The following UTP11 variants were observed in gnomAD, a reference collection of about 807,000 sequenced individuals.
UTP11 encodes the protein UTP11 small subunit processome component.
UTP11 carries 29 observed loss-of-function variants against 39.0 expected under a neutral mutation model. The ratio of observed to expected loss-of-function variants is 0.74; its 90% CI spans 0.55 to 1.01. The LOEUF (loss-of-function observed/expected upper bound fraction) is 1.01, where lower values mean the gene tolerates loss of function less well. UTP11 is among the 50% of genes least tolerant of loss of function. The pLI is 0.00. For synonymous variants in UTP11, 111 were observed against 105.0 expected, an observed-to-expected ratio of 1.06 and a Z score of -0.35; for missense variants, 281 against 306.0, an observed-to-expected ratio of 0.92 and a Z score of 0.61.
chr1:38,019,493 A>G (rs1436854100), intron 6 of UTP11, 110 bp downstream of exon 6: 1 of 983,728 alleles, frequency 1.0e-6, no homozygotes, highest in Non-Finnish European at 1.3e-6. Context: ...AATTTATTTT[A>G]TTTTATTTTT....
chr1:38,016,287 A>G, intron 1 of UTP11, 72 bp from the exon 2 acceptor site: 1 of 1,468,862 alleles, frequency 6.8e-7, no homozygotes, highest in Non-Finnish European at 9.5e-7. Flanking sequence ...TGTGCCTGTT[A>G]GATGTCGTGT....
intron 1 of UTP11, among the ~76,000 whole-genome samples, chr1:38,014,726 C>A (rs1646698219): frequency 6.6e-6 from 1 of 152,146 alleles, no homozygotes; most frequent in East Asian, 1.9e-4. Context: ...AGGCTCGACC[C>A]CCTCACTCAA....
Position 38,016,332 on chromosome 1 carries a change from A to G in UTP11, c.64-27A>G, listed in dbSNP as rs779691697. On this transcript the variant is annotated intron_variant, in intron 1 of 7. Coordinates refer to ENST00000373014, the MANE Select transcript of UTP11 (RefSeq NM_016037.4). ...TATGTGTTTGCGGAGGAAACTAAGC[A>G]CTGTTGTTCTTTCTTTTGTCTTCTA... 8 of 1,612,872 alleles carry G rather than the reference A, an allele frequency of 5.0e-6. No homozygotes were observed. In the South Asian group the frequency reaches 8.8e-5, roughly 18 times the overall value.
rs547720217 is a variant in UTP11 at position 38,022,847 on chromosome 1, T to C, written c.678+38T>C. On this transcript the variant is annotated intron_variant, in intron 7 of 7. Transcript: ENST00000373014. ...AGCCTTAGGCCTCTTTTTTTTTTTT[T>C]CCCCCTTTTCTTTCTTGTAAAGGTC... 478 of 1,281,004 alleles carry C rather than the reference T, an allele frequency of 3.7e-4. 1 individual carries two copies. Among genetic ancestry groups the C allele is most frequent in the East Asian group, 1.3e-3 (53 of 41,002 alleles). The allele number at this position is 1,281,004 out of a possible 1,614,324, so 79.4% of individuals were successfully genotyped here.
Position 38,015,097 on chromosome 1 carries a change from A to G in UTP11, c.64-1262A>G, listed in dbSNP as rs537283421. ...GAGTGCGATGGTGTGATCTTGGCCC[A>G]CTGCAACCTCCGCCTCCCGTGTTCA... On this transcript the variant is annotated intron_variant, in intron 1 of 7. Coordinates refer to ENST00000373014, the MANE Select transcript of UTP11 (RefSeq NM_016037.4). Among the ~76,000 whole-genome samples, 5 of 152,228 alleles carry G rather than the reference A, an allele frequency of 3.3e-5. No homozygotes were observed. The East Asian group carries it at 7.7e-4, about 23-fold the overall frequency.
rs747394464 is a variant in UTP11 at position 38,018,504 on chromosome 1, C to A, written c.269C>A (p.Thr90Asn). 3.1e-6 allele frequency: 5 copies of A among 1,613,578 alleles called. No homozygotes were observed. The Admixed American group carries it at 6.7e-5, about 22-fold the overall frequency. ...ATTAAGGAGACTAAGGAAGAAGTAA[C>A]CCCAGAACAACTAAAGCTGATGAGA... ...HIIKETKEEV[T>N]PEQLKLMRTQ... The change falls in exon 4 of 8, where the codon ACC (threonine) becomes AAC (asparagine). Residue 90 changes from threonine (T) to asparagine (N), a missense_variant. Coordinates refer to ENST00000373014, the MANE Select transcript of UTP11 (RefSeq NM_016037.4).
chr1:38,013,595 A>G (rs771082751), intron 1 of UTP11, among the ~76,000 whole-genome samples: 15 of 152,226 alleles, frequency 9.9e-5, no homozygotes, highest in Non-Finnish European at 1.6e-4. Context: ...TTAGACATAC[A>G]TATGTGCTCC....
In UTP11 at chr1:38,024,225, A is replaced by G. The variant is rs1429141442; in HGVS notation, c.*597A>G. ...TCATTCCTAATCCCAGTGCTTATTC[A>G]ATAATAACAAATATTTATTGCATGC... On this transcript the variant is annotated 3_prime_UTR_variant, in exon 8 of 8. Transcript: ENST00000373014. 6.6e-6 allele frequency: 1 copy of G among 152,232 alleles called. No homozygotes were observed. Among genetic ancestry groups the G allele is most frequent in the Non-Finnish European group, 1.5e-5 (1 of 68,066 alleles). The allele number at this position is 152,232 out of a possible 1,614,324, so 9.4% of individuals were successfully genotyped here.
chr1:38,023,406 G>T, intron 7 of UTP11, 139 bp from the exon 8 acceptor site: 3 of 620,738 alleles, frequency 4.8e-6, no homozygotes. Flanking sequence ...GCCTACAGTG[G>T]ATGCCTTGGG....
At chr1:38,015,156 G>T (rs374922439) in intron 1 of UTP11, among the ~76,000 whole-genome samples, 1 of 152,100 alleles carries the variant, frequency 6.6e-6, no homozygotes, top group Non-Finnish European at 1.5e-5. Flanking sequence ...TTGAGTAGCT[G>T]GGATTACAGG....
Position 38,023,541 on chromosome 1 carries a change from G to A in UTP11, c.679-4G>A. 2 of 1,607,464 alleles carry A rather than the reference G, an allele frequency of 1.2e-6. No homozygotes were observed. The highest frequency in any genetic ancestry group is 1.7e-6 in the Non-Finnish European group (2 of 1,177,514). On this transcript the variant is annotated splice_region_variant and splice_polypyrimidine_tract_variant and intron_variant, in intron 7 of 7. Coordinates refer to ENST00000373014, the MANE Select transcript of UTP11 (RefSeq NM_016037.4). ...TTACTGATCACCTTTTTACTCTTTT[G>A]TAGGATAAAACTCAGAAAGTGAAGG...
chr1:38,022,834 C>CTTT (rs34251728), intron 7 of UTP11, 25 bp downstream of exon 7: 259 of 1,213,724 alleles, frequency 2.1e-4, no homozygotes, highest in Non-Finnish European at 2.3e-4. Context: ...CCTTAGGCCT[C>CTTT]TTTTTTTTTT....
chr1:38,022,686 G>T lies in UTP11; in HGVS notation c.568-13G>T. On this transcript the variant is annotated splice_polypyrimidine_tract_variant and intron_variant, in intron 6 of 7. Coordinates refer to ENST00000373014, the MANE Select transcript of UTP11 (RefSeq NM_016037.4). ...TTCATTGTTCACTGAGAATGTGTGT[G>T]TTTCTTCTCCAGCGAATAGCTAAAG... 6.3e-7 allele frequency: 1 copy of T among 1,586,022 alleles called. No individual in the cohort carries two copies.
At position 38,012,910 on chromosome 1, in the gene UTP11, T is replaced by G. The variant is rs762643160; in HGVS notation, c.63+45T>G. 1.9e-6 allele frequency: 3 copies of G among 1,612,966 alleles called. No homozygotes were observed. In the African/African-American group the frequency reaches 4.0e-5, roughly 22 times the overall value. On this transcript the variant is annotated intron_variant, in intron 1 of 7. Transcript: ENST00000373014. ...ACAAGTGCTGGCCTTTGTCGCCATGTGTTACCCTTGCCCCAACCCTGTCGC... is the reference window on the plus strand; with the variant it reads ...ACAAGTGCTGGCCTTTGTCGCCATGGGTTACCCTTGCCCCAACCCTGTCGC...
At chr1:38,022,863 T>G in intron 7 of UTP11, 54 bp downstream of exon 7, 1 of 1,245,950 alleles carries the variant, frequency 8.0e-7, no homozygotes, top group Non-Finnish European at 1.1e-6. Flanking sequence ...TTTTCTTTCT[T>G]GTAAAGGTCT....
Position 38,017,637 on chromosome 1 carries a change from TGCTATGAACCTCA to T in UTP11, c.126-30_126-18del. The T allele has an allele frequency of 1.7e-5, 24 of 1,419,480 alleles. No homozygotes were observed. Among genetic ancestry groups the T allele is most frequent in the East Asian group, 5.1e-5 (2 of 39,588 alleles). 87.9% of individuals were successfully genotyped at this position (1,419,480 alleles called of 1,614,324 possible). On this transcript the variant is annotated intron_variant, in intron 2 of 7. Transcript: ENST00000373014. ...TTAAAATTATCTATTTTTTTTTTTT[TGCTATGAACCTCA>T]TTTAACCTGTCTTTTAGTGACTACC...
chr1:38,018,126 A>G (rs945603199), intron 3 of UTP11, among the ~76,000 whole-genome samples: 2 of 151,592 alleles, frequency 1.3e-5, no homozygotes, highest in South Asian at 2.1e-4. Flanking sequence ...GCTGGAGTGC[A>G]GTGGTGCGAC....
At chr1:38,013,768 G>A (rs1054952970) in intron 1 of UTP11, among the ~76,000 whole-genome samples, 5 of 152,126 alleles carry the variant, frequency 3.3e-5, no homozygotes, top group Admixed American at 2.0e-4. Context: ...AGGTTGGAGT[G>A]CAGTGGCACG....
rs1164484995 is a variant in UTP11, at chr1:38,019,284, A to G, written c.468A>G (p.Gln156=). ...AGTTTGATGTCGCAACTCACCTGCA[A>G]ACAGCCCCGGAGCTAGTCGACAGAG... ...VEQFDVATHL[Q]TAPELVDRVF... The change falls in exon 6 of 8, where the codon CAA becomes CAG. Residue 156 remains glutamine (Q), a synonymous_variant. Transcript: ENST00000373014. 3 of 1,614,130 alleles carry G rather than the reference A, an allele frequency of 1.9e-6. No homozygotes were observed. Among genetic ancestry groups the G allele is most frequent in the South Asian group, 2.2e-5 (2 of 91,074 alleles).
Sources: gnomAD v4.1 joint callset for allele counts (sites outside exome capture counted in the v4.1 genomes callset) on GRCh38, gnomAD v4.1.1 for gene constraint, MANE v1.5 for transcripts, NCBI Gene and HGNC (gene_info 2026-07-23, HGNC 2026-07-21) for gene names.